Variants in LYPLAL1 observed in about 807,000 individuals in gnomAD.
LYPLAL1 encodes the protein lysophospholipase-like protein 1.
A neutral mutation model predicts 19.7 loss-of-function variants in LYPLAL1; 23 were observed. That is an observed-to-expected ratio of 1.17 (90% confidence interval 0.84 to 1.65). The LOEUF is 1.65. Ranked by LOEUF, LYPLAL1 falls within the 40% of genes most tolerant of loss-of-function variation. LYPLAL1 has a pLI of 0.00. For missense variants in LYPLAL1, 355 were observed against 279.4 expected (o/e 1.27, Z -1.93); for synonymous variants, 119 against 96.3 (o/e 1.24, Z -1.38).
the LYPLAL1 span, among the ~76,000 whole-genome samples, chr1:219,243,522 G>A: frequency 6.6e-6 from 1 of 152,080 alleles, no homozygotes; most frequent in Non-Finnish European, 1.5e-5. Context: ...GTTGTAGGCA[G>A]GTTAGGCAAG....
the LYPLAL1 span, among the ~76,000 whole-genome samples, chr1:219,339,122 G>C: frequency 1.3e-5 from 2 of 151,832 alleles, no homozygotes; most frequent in Non-Finnish European, 2.9e-5. Context: ...ATTGAGCTCT[G>C]TACACTGGGT....
At chr1:219,335,446 A>G in the LYPLAL1 span, among the ~76,000 whole-genome samples, 1 of 151,920 alleles carries the variant, frequency 6.6e-6, no homozygotes, top group Non-Finnish European at 1.5e-5. Flanking sequence ...ACATACACAT[A>G]AGCTTAACTT....
the LYPLAL1 span, among the ~76,000 whole-genome samples, chr1:219,440,008 TATATACACACACACAC>T: frequency 0.026 from 2,663 of 102,464 alleles, 50 homozygotes; most frequent in East Asian, 0.062. Flanking sequence ...TATATATATA[TATATACACACACACAC>T]ATATATATAT....
intron 3 of LYPLAL1, among the ~76,000 whole-genome samples, chr1:219,206,821 A>G (rs1572209325): frequency 6.6e-6 from 1 of 151,714 alleles, no homozygotes; most frequent in African/African-American, 2.4e-5. Flanking sequence ...GTCACTTCAT[A>G]TGTAAAATTT....
At chr1:219,284,784 T>C in the LYPLAL1 span, among the ~76,000 whole-genome samples, 2 of 152,248 alleles carry the variant, frequency 1.3e-5, no homozygotes, top group Admixed American at 1.3e-4. Flanking sequence ...GAGTTGGGGC[T>C]GGCTCCCAGG....
chr1:219,433,731 A>ATGGGTG, the LYPLAL1 span, among the ~76,000 whole-genome samples: 1 of 152,360 alleles, frequency 6.6e-6, no homozygotes, highest in South Asian at 2.1e-4. Context: ...GTCTAGCTAC[A>ATGGGTG]TGGGTGTCAG....
chr1:219,419,548 A>AACACACACACACACACACAC, the LYPLAL1 span, among the ~76,000 whole-genome samples: 2 of 97,798 alleles, frequency 2.0e-5, no homozygotes, highest in Non-Finnish European at 4.3e-5. Context: ...GCCCTAGCCC[A>AACACACACACACACACACAC]ACACACACAC....
chr1:219,281,777 T>A, the LYPLAL1 span, among the ~76,000 whole-genome samples: 1 of 152,164 alleles, frequency 6.6e-6, no homozygotes, highest in South Asian at 2.1e-4. Context: ...ACCGTCATGC[T>A]CCATAACTGA....
chr1:219,373,863 C>CAAAAAAAAAAAAAAAAAAAA, the LYPLAL1 span, among the ~76,000 whole-genome samples: 4 of 102,214 alleles, frequency 3.9e-5, no homozygotes, highest in Non-Finnish European at 6.0e-5. Context: ...ATAAAATTGT[C>CAAAAAAAAAAAAAAAAAAAA]AAAAAAAAAA....
chr1:219,357,533 A>C, the LYPLAL1 span, among the ~76,000 whole-genome samples: 1 of 152,210 alleles, frequency 6.6e-6, no homozygotes, highest in Non-Finnish European at 1.5e-5. Flanking sequence ...ATTGCTGTCA[A>C]AGATGTGTAG....
chr1:219,340,955 G>C, the LYPLAL1 span, among the ~76,000 whole-genome samples: 1 of 152,016 alleles, frequency 6.6e-6, no homozygotes, highest in Non-Finnish European at 1.5e-5. Flanking sequence ...GCCCTTCCCA[G>C]CTCTGAGGGC....
At chr1:219,229,898 G>A in the LYPLAL1 span, among the ~76,000 whole-genome samples, 10 of 152,106 alleles carry the variant, frequency 6.6e-5, no homozygotes, top group South Asian at 1.9e-3. Flanking sequence ...ATTTGAAGAG[G>A]GCAAAATACC....
the LYPLAL1 span, among the ~76,000 whole-genome samples, chr1:219,354,666 G>A: frequency 2.0e-5 from 3 of 152,188 alleles, no homozygotes; most frequent in African/African-American, 7.2e-5. Context: ...AACGCATTAT[G>A]TACTGGCTAA....
At chr1:219,332,087 T>A in the LYPLAL1 span, among the ~76,000 whole-genome samples, 1 of 152,320 alleles carries the variant, frequency 6.6e-6, no homozygotes, top group Non-Finnish European at 1.5e-5. Context: ...AGAAGTGATG[T>A]TGTGTCATTT....
the LYPLAL1 span, among the ~76,000 whole-genome samples, chr1:219,237,247 T>A: frequency 6.6e-6 from 1 of 152,260 alleles, no homozygotes; most frequent in Non-Finnish European, 1.5e-5. Context: ...CATGGATTAC[T>A]ATATGTTTCA....
chr1:219,377,035 G>A, the LYPLAL1 span, among the ~76,000 whole-genome samples: 1 of 152,158 alleles, frequency 6.6e-6, no homozygotes, highest in Non-Finnish European at 1.5e-5. Flanking sequence ...GTACACCCAT[G>A]TTCGTAGAAG....
the LYPLAL1 span, among the ~76,000 whole-genome samples, chr1:219,319,149 T>C: frequency 1.3e-5 from 2 of 152,134 alleles, no homozygotes; most frequent in Non-Finnish European, 2.9e-5. Context: ...GAAACAGTAA[T>C]TGCAGAAAGT....
At chr1:219,325,320 C>G in the LYPLAL1 span, among the ~76,000 whole-genome samples, 1 of 152,180 alleles carries the variant, frequency 6.6e-6, no homozygotes, top group Non-Finnish European at 1.5e-5. Flanking sequence ...TATACCCACC[C>G]CTTCTTCTTT....
chr1:219,344,436 G>C, the LYPLAL1 span, among the ~76,000 whole-genome samples: 1 of 151,866 alleles, frequency 6.6e-6, no homozygotes, highest in East Asian at 1.9e-4. Flanking sequence ...TCTCTAACTG[G>C]GAGTCTTCCC....
Sources: gnomAD v4.1 joint callset for allele counts (sites outside exome capture counted in the v4.1 genomes callset) on GRCh38, gnomAD v4.1.1 for gene constraint, MANE v1.5 for transcripts, NCBI Gene and HGNC (gene_info 2026-07-23, HGNC 2026-07-21) for gene names.